LUZP2: variants seen among roughly 807,000 people sequenced by gnomAD.
LUZP2 encodes the protein leucine zipper protein 2.
LUZP2 carries 52 observed loss-of-function variants against 51.6 expected under a neutral mutation model. That is an observed-to-expected ratio of 1.01 (90% CI 0.81 to 1.27). The LOEUF (loss-of-function observed/expected upper bound fraction) is 1.27, where lower values mean the gene tolerates loss of function less well. Among genes scored for constraint, LUZP2 ranks in the 50% most tolerant of loss-of-function variants. LUZP2 has a pLI of 0.00. For missense variants in LUZP2, 436 were observed against 395.4 expected (o/e 1.10, Z -0.87); for synonymous variants, 154 against 137.3 (o/e 1.12, Z -0.85).
At chr11:24,565,820 C>CA (rs1377335743) in intron 1 of LUZP2, among the ~76,000 whole-genome samples, 1 of 152,020 alleles carries the variant, frequency 6.6e-6, no homozygotes, top group Admixed American at 6.6e-5. Flanking sequence ...AACTGAAAAG[C>CA]AACAATCTAA....
intron 1 of LUZP2, among the ~76,000 whole-genome samples, chr11:24,503,835 G>GAAT (rs1249961170): frequency 1.3e-5 from 2 of 152,086 alleles, no homozygotes; most frequent in Non-Finnish European, 2.9e-5. Context: ...TACCTATGAA[G>GAAT]AATCCAGAAC....
intron 1 of LUZP2, among the ~76,000 whole-genome samples, chr11:24,628,067 A>G (rs1467776272): frequency 2.0e-5 from 3 of 152,164 alleles, no homozygotes; most frequent in Non-Finnish European, 2.9e-5. Context: ...TGAAGCAGTT[A>G]TAAAGTAAAA....
chr11:24,972,468 G>C (rs1855769807), intron 7 of LUZP2, among the ~76,000 whole-genome samples: 1 of 152,172 alleles, frequency 6.6e-6, no homozygotes, highest in South Asian at 2.1e-4. Flanking sequence ...TATTTAAGTA[G>C]TAAAAATTAA....
At chr11:24,934,875 A>G in intron 7 of LUZP2, among the ~76,000 whole-genome samples, 1 of 152,154 alleles carries the variant, frequency 6.6e-6, no homozygotes, top group East Asian at 1.9e-4. Flanking sequence ...TGCCTTCTGA[A>G]TGAGCTTTTA....
intron 1 of LUZP2, among the ~76,000 whole-genome samples, chr11:24,573,653 T>A (rs936159547): frequency 6.6e-6 from 1 of 151,912 alleles, no homozygotes; most frequent in African/African-American, 2.4e-5. Flanking sequence ...AATTTGAAAG[T>A]GTTGAGAATT....
At chr11:24,822,634 C>T (rs1025909013) in intron 5 of LUZP2, among the ~76,000 whole-genome samples, 2 of 152,218 alleles carry the variant, frequency 1.3e-5, no homozygotes, top group East Asian at 1.9e-4. Flanking sequence ...GATGTTTATT[C>T]GTGGATGAAT....
At chr11:24,813,206 T>A (rs1850072126) in intron 5 of LUZP2, among the ~76,000 whole-genome samples, 1 of 152,194 alleles carries the variant, frequency 6.6e-6, no homozygotes, top group Non-Finnish European at 1.5e-5. Context: ...CTTTCCTCAG[T>A]ATGCACAGAA....
chr11:24,596,665 C>A (rs1235242368), intron 1 of LUZP2, among the ~76,000 whole-genome samples: 4 of 152,046 alleles, frequency 2.6e-5, no homozygotes, highest in African/African-American at 9.7e-5. Context: ...TGGCTGTAAG[C>A]AATACGTTCT....
At chr11:24,710,575 T>C (rs1319976432) in intron 1 of LUZP2, among the ~76,000 whole-genome samples, 1 of 152,204 alleles carries the variant, frequency 6.6e-6, no homozygotes, top group Non-Finnish European at 1.5e-5. Context: ...GCCAATACAA[T>C]AGCAAGCTCT....
At chr11:24,988,163 C>T (rs1856239535) in intron 9 of LUZP2, among the ~76,000 whole-genome samples, 2 of 151,918 alleles carry the variant, frequency 1.3e-5, no homozygotes, top group East Asian at 1.9e-4. Context: ...ACCTGCTGTC[C>T]ATCAATCACT....
intron 1 of LUZP2, among the ~76,000 whole-genome samples, chr11:24,544,555 T>C (rs1590162730): frequency 1.3e-5 from 2 of 152,080 alleles, no homozygotes; most frequent in South Asian, 4.1e-4. Context: ...TTTTCTATTA[T>C]ATTAATTTGC....
intron 5 of LUZP2, among the ~76,000 whole-genome samples, chr11:24,784,764 G>A (rs1270037057): frequency 6.6e-6 from 1 of 151,886 alleles, no homozygotes; most frequent in Non-Finnish European, 1.5e-5. Context: ...GGTAGAATCT[G>A]CATGAAAGTT....
chr11:24,678,276 T>C (rs748682352), intron 1 of LUZP2, among the ~76,000 whole-genome samples: 11 of 152,272 alleles, frequency 7.2e-5, no homozygotes, highest in Admixed American at 2.6e-4. Flanking sequence ...GATGAATGAA[T>C]GAAAGGAATG....
intron 1 of LUZP2, among the ~76,000 whole-genome samples, chr11:24,663,054 A>G (rs183987235): frequency 6.6e-6 from 1 of 152,234 alleles, no homozygotes; most frequent in Admixed American, 6.5e-5. Flanking sequence ...TCCAAAGATA[A>G]TCACTTTTAA....
intron 1 of LUZP2, among the ~76,000 whole-genome samples, chr11:24,597,283 A>C (rs1250850765): frequency 6.6e-6 from 1 of 152,174 alleles, no homozygotes; most frequent in African/African-American, 2.4e-5. Flanking sequence ...TCATATGTGC[A>C]TTTGACTTTA....
intron 7 of LUZP2, among the ~76,000 whole-genome samples, chr11:24,922,204 T>C (rs1714760544): frequency 6.6e-6 from 1 of 152,174 alleles, no homozygotes; most frequent in African/African-American, 2.4e-5. Flanking sequence ...GAATGTGTGG[T>C]GATAGACTAG....
intron 9 of LUZP2, among the ~76,000 whole-genome samples, chr11:25,021,320 T>C (rs1386350944): frequency 6.6e-6 from 1 of 151,762 alleles, no homozygotes; most frequent in Non-Finnish European, 1.5e-5. Flanking sequence ...AAAAGGATGT[T>C]TTGGGAAGTA....
chr11:24,864,558 G>A (rs1851831309), intron 5 of LUZP2, among the ~76,000 whole-genome samples: 1 of 152,144 alleles, frequency 6.6e-6, no homozygotes, highest in South Asian at 2.1e-4. Context: ...GGCTTTCTGT[G>A]TGGTGACTCC....
At chr11:24,916,574 A>G (rs570960278) in intron 7 of LUZP2, among the ~76,000 whole-genome samples, 1 of 152,028 alleles carries the variant, frequency 6.6e-6, no homozygotes, top group Non-Finnish European at 1.5e-5. Flanking sequence ...TATGAGTGAG[A>G]ACGTGTGGTG....
Sources: allele counts gnomAD v4.1 joint callset (sites outside exome capture counted in the v4.1 genomes callset), GRCh38; gene constraint gnomAD v4.1.1; transcripts MANE v1.5; gene names NCBI Gene and HGNC (gene_info 2026-07-23, HGNC 2026-07-21).